The following PSPC1 variants were observed in gnomAD, a reference collection of about 807,000 sequenced individuals.
PSPC1 encodes the protein paraspeckle protein 1.
PSPC1 carries 14 observed loss-of-function variants against 51.6 expected under a neutral mutation model. The observed-to-expected ratio is 0.27, with a 90% CI of 0.18 to 0.42. The LOEUF is 0.42. Among genes scored for constraint, PSPC1 ranks in the 10% least tolerant of loss-of-function variants. PSPC1 has a pLI of 1.00. For synonymous variants in PSPC1, 193 were observed against 231.9 expected (o/e 0.83, Z 1.53); for missense variants, 406 against 701.1 (o/e 0.58, Z 4.75).
chr13:19,704,446 C>T (rs71421764), intron 8 of PSPC1, among the ~76,000 whole-genome samples: 10 of 152,364 alleles, frequency 6.6e-5, no homozygotes, highest in South Asian at 2.1e-4. Context: ...TTGCTTTTAA[C>T]GTCTCTGATC....
intron 2 of PSPC1, among the ~76,000 whole-genome samples, chr13:19,761,733 G>C (rs1444395105): frequency 6.6e-6 from 1 of 152,088 alleles, no homozygotes; most frequent in Non-Finnish European, 1.5e-5. Flanking sequence ...ACTTCTAAAA[G>C]TACCCAAAAA....
At chr13:19,675,344 A>C (rs1024655326) in intron 7 of PSPC1, 1 of 152,236 alleles carries the variant, frequency 6.6e-6, no homozygotes, top group African/African-American at 2.4e-5. Flanking sequence ...CATTGCTGCC[A>C]TACTACTTCC....
At chr13:19,770,169 A>C (rs115687042) in intron 2 of PSPC1, among the ~76,000 whole-genome samples, 39 of 152,286 alleles carry the variant, frequency 2.6e-4, no homozygotes, top group African/African-American at 9.2e-4. Context: ...GAAGCCAGAC[A>C]CAGAAGAATA....
At chr13:19,695,952 T>C (rs1879171833) in intron 6 of PSPC1, among the ~76,000 whole-genome samples, 1 of 151,692 alleles carries the variant, frequency 6.6e-6, no homozygotes, top group South Asian at 2.1e-4. Flanking sequence ...AATTCCTCAG[T>C]TGGAAAATAG....
At chr13:19,716,865 T>C (rs1461794977) in intron 6 of PSPC1, among the ~76,000 whole-genome samples, 3 of 152,196 alleles carry the variant, frequency 2.0e-5, no homozygotes, top group Non-Finnish European at 2.9e-5. Flanking sequence ...AATAAGGTTA[T>C]AACCAATTAA....
At chr13:19,718,115 G>A (rs1265650514) in intron 6 of PSPC1, among the ~76,000 whole-genome samples, 1 of 152,156 alleles carries the variant, frequency 6.6e-6, no homozygotes, top group Non-Finnish European at 1.5e-5. Flanking sequence ...TCAATAGCAT[G>A]TAAACTTTCC....
At chr13:19,672,596 T>A (rs1179432837), downstream of PSPC1, 1 of 151,726 alleles carries the variant, frequency 6.6e-6, no homozygotes, top group Non-Finnish European at 1.5e-5. Flanking sequence ...CCAAATAAAG[T>A]GTGGGTTTGC....
rs373243622 is a variant in PSPC1 at position 19,777,901 on chromosome 13, G to A, written c.372+4485C>T. Among the ~76,000 whole-genome samples, 349 of 148,660 alleles carry A rather than the reference G, an allele frequency of 2.3e-3. 11 individuals carry two copies. In the South Asian group the frequency reaches 0.055, roughly 23 times the overall value. ...GCAGAGGTTGCAGTGAGTCGAGATC[G>A]CGCTACTGCACTCCAGCCTGGGCGA... On this transcript the variant is annotated intron_variant, in intron 1 of 8. Coordinates refer to ENST00000338910, the MANE Select transcript of PSPC1 (RefSeq NM_001354909.2).
At chr13:19,751,189 T>C (rs1886513971) in intron 4 of PSPC1, 82 bp downstream of exon 4, 1 of 1,148,640 alleles carries the variant, frequency 8.7e-7, no homozygotes, top group African/African-American at 1.6e-5. Context: ...TAAATGGCAC[T>C]TTACACAGTA....
In PSPC1 at chr13:19,703,193, A is replaced by C. The variant is rs1318239376; in HGVS notation, c.1554T>G (p.Asn518Lys). 6.2e-7 allele frequency: 1 copy of C among 1,614,056 alleles called. No homozygotes were observed. The highest frequency in any genetic ancestry group is 8.5e-7 in the Non-Finnish European group (1 of 1,179,976). Residue 518 changes from asparagine (N) to lysine (K), a missense_variant, in exon 9 of 9, where the codon AAT (asparagine) becomes AAG (lysine). Coordinates refer to ENST00000338910, the MANE Select transcript of PSPC1 (RefSeq NM_001354909.2). ...CGAATGTTTAATATCTACGACGCTT[A>C]TTAGGGCCTTCAAAGTTGCCCCCTT... Reference protein sequence around the residue: ...GSQGGNFEGPNKRRRY With the variant: ...GSQGGNFEGPKKRRRY
intron 2 of PSPC1, among the ~76,000 whole-genome samples, chr13:19,761,721 G>C (rs1887620790): frequency 6.6e-6 from 1 of 152,126 alleles, no homozygotes; most frequent in Non-Finnish European, 1.5e-5. Context: ...TTAAGATGTG[G>C]TACTTCTAAA....
At chr13:19,751,842 G>A (rs1482818776) in intron 3 of PSPC1, among the ~76,000 whole-genome samples, 1 of 152,168 alleles carries the variant, frequency 6.6e-6, no homozygotes, top group Non-Finnish European at 1.5e-5. Flanking sequence ...CAGATCACGA[G>A]GTCAGGATAT....
At chr13:19,721,511 C>T (rs977719922) in intron 6 of PSPC1, among the ~76,000 whole-genome samples, 3 of 152,170 alleles carry the variant, frequency 2.0e-5, no homozygotes, top group Admixed American at 1.3e-4. Context: ...ATAAACAAAT[C>T]ACATCATTTT....
chr13:19,713,856 T>C (rs886760629), intron 6 of PSPC1, among the ~76,000 whole-genome samples: 1 of 152,208 alleles, frequency 6.6e-6, no homozygotes, highest in East Asian at 1.9e-4. Flanking sequence ...AACTATTTCA[T>C]GTTTTCCCAG....
At chr13:19,764,851 A>G (rs976054608) in intron 2 of PSPC1, among the ~76,000 whole-genome samples, 1 of 151,938 alleles carries the variant, frequency 6.6e-6, no homozygotes, top group African/African-American at 2.4e-5. Context: ...CTCCCACCTC[A>G]GCCTCCCACG....
At chr13:19,774,806 AAAAAAAAAAAAAC>A (rs1398136143) in intron 1 of PSPC1, among the ~76,000 whole-genome samples, 21 of 139,650 alleles carry the variant, frequency 1.5e-4, no homozygotes, top group Admixed American at 2.1e-4. Flanking sequence ...CTCTGTGTCC[AAAAAAAAAAAAAC>A]AAAAAAAAAA....
intron 2 of PSPC1, among the ~76,000 whole-genome samples, chr13:19,768,079 G>C (rs12184605): frequency 4.6e-5 from 7 of 151,836 alleles, no homozygotes; most frequent in Admixed American, 3.3e-4. Flanking sequence ...CAAAAAATTA[G>C]CCAGGCATGG....
rs190001254 is a variant in PSPC1 at position 19,695,031 on chromosome 13, A to T, written c.1159-17208T>A. Reference sequence around the variant, plus strand: ...CAAGAAACTACAGTCTACATAGCAAACTGTAGGAAGTCAGTATGTAACTAA... The same window carrying T: ...CAAGAAACTACAGTCTACATAGCAATCTGTAGGAAGTCAGTATGTAACTAA... On this transcript the variant is annotated intron_variant and NMD_transcript_variant, in intron 6 of 7. Transcript: ENST00000471658. Among the ~76,000 whole-genome samples the T allele has an allele frequency of 3.5e-4, 53 of 152,280 alleles. 1 individual carries two copies. The highest frequency in any genetic ancestry group is 1.1e-3 in the African/African-American group (46 of 41,534).
intron 7 of PSPC1, 45 bp downstream of exon 7, chr13:19,709,497 C>G (rs1881135664): frequency 2.0e-6 from 3 of 1,486,524 alleles, no homozygotes; most frequent in Non-Finnish European, 1.9e-6. Context: ...AAACAGTCCC[C>G]CCAAAAATGA....
Sources: gnomAD v4.1 joint callset for allele counts (sites outside exome capture counted in the v4.1 genomes callset) on GRCh38, gnomAD v4.1.1 for gene constraint, MANE v1.5 for transcripts, NCBI Gene and HGNC (gene_info 2026-07-23, HGNC 2026-07-21) for gene names.